Variants in HSPA8 observed in about 807,000 individuals in gnomAD.
HSPA8 encodes heat shock protein family A (Hsp70) member 8, also known as heat shock cognate 71 kDa protein.
A neutral mutation model predicts 52.8 loss-of-function variants in HSPA8; 2 were observed. The observed-to-expected ratio is 0.04, with a 90% CI of 0.02 to 0.12. The LOEUF (loss-of-function observed/expected upper bound fraction) is 0.12. Ranked by LOEUF, HSPA8 falls within the 10% of genes least tolerant of loss-of-function variation. HSPA8 has a pLI of 1.00. For missense variants in HSPA8, 349 were observed against 800.5 expected (o/e 0.44, Z 6.81); for synonymous variants, 436 against 274.0 (o/e 1.59, Z -5.84).
In HSPA8 at chr11:123,057,819, C is replaced by A; in HGVS notation, c.1856G>T (p.Gly619Val). 6.2e-7 allele frequency: 1 copy of A among 1,613,072 alleles called. No individual in the cohort carries two copies. Residue 619 changes from glycine (G) to valine (V), a missense_variant, in exon 9 of 9, where the codon GGA becomes GTA. By Grantham distance (109) the Gly-to-Val change is moderately radical (BLOSUM62 -3). Coordinates refer to ENST00000534624, the MANE Select transcript of HSPA8 (RefSeq NM_006597.6). ...KLYQSAGGMP[G>V]GMPGGFPGGG... ...ACCAGGAAATCCCCCAGGCATTCCT[C>A]CTGGCATGCCTCCTGCACTCTGGTA...
At chr11:123,058,226 G>GGAAAA in intron 8 of HSPA8, 26 bp downstream of exon 8, 7 of 1,012,454 alleles carry the variant, frequency 6.9e-6, no homozygotes, top group African/African-American at 1.9e-5. Context: ...AGTGGGGGAG[G>GGAAAA]AAAAAAAAAA....
chr11:123,059,831 A>C lies in HSPA8; in HGVS notation c.762T>G (p.Ser254Arg). Residue 254 changes from serine to arginine, a missense_variant, in exon 5 of 9, where the codon AGT (serine) becomes AGG (arginine). By Grantham distance (110) the Ser-to-Arg change is moderately radical. Coordinates refer to ENST00000534624, the MANE Select transcript of HSPA8 (RefSeq NM_006597.6). ...EFKRKHKKDISENKRAVRRLR... is the reference protein window; with the variant it reads ...EFKRKHKKDIRENKRAVRRLR... Reference sequence around the variant, plus strand: ...GGCGTCTTACAGCTCTCTTGTTCTCACTGATGTCCTTCTTATGCTTGCGCT... The same window carrying C: ...GGCGTCTTACAGCTCTCTTGTTCTCCCTGATGTCCTTCTTATGCTTGCGCT... 6.2e-7 allele frequency: 1 copy of C among 1,613,608 alleles called. No individual in the cohort carries two copies. Among genetic ancestry groups the C allele is most frequent in the Non-Finnish European group, 8.5e-7 (1 of 1,179,848 alleles).
intron 6 of HSPA8, 83 bp from the exon 7 acceptor site, chr11:123,058,913 T>G: frequency 6.8e-7 from 1 of 1,460,706 alleles, no homozygotes; most frequent in Non-Finnish European, 9.6e-7. Context: ...GAATGGTCGC[T>G]CAAACATCCA....
In HSPA8 at chr11:123,059,714, G is replaced by T. The variant is rs1366918784; in HGVS notation, c.879C>A (p.Phe293Leu). The change falls in exon 5 of 9, where the codon TTC becomes TTA. Residue 293 changes from phenylalanine (F) to leucine (L), a missense_variant. Coordinates refer to ENST00000534624, the MANE Select transcript of HSPA8 (RefSeq NM_006597.6). ...EIDSLYEGID[F>L]YTSITRARFE... ...ATCGGGCACGGGTAATGGAGGTATA[G>T]AAGTCGATTCCTTCATAGAGAGAAT... The T allele has an allele frequency of 3.1e-6, 5 of 1,613,822 alleles. No individual in the cohort carries two copies. The highest frequency in any genetic ancestry group is 2.7e-5 in the African/African-American group (2 of 74,906).
chr11:123,061,568 T>C lies in HSPA8; in HGVS notation c.-5-239A>G, dbSNP rs901432884. 1.1e-5 allele frequency: 6 copies of C among 555,350 alleles called. No individual in the cohort carries two copies. In the Admixed American group the frequency reaches 1.2e-4, roughly 11 times the overall value. The allele number at this position is 555,350 out of a possible 1,614,324, so 34.4% of individuals were successfully genotyped here. On this transcript the variant is annotated intron_variant, in intron 1 of 8. Coordinates refer to ENST00000534624, the MANE Select transcript of HSPA8 (RefSeq NM_006597.6). ...CATCTACCCAGACGGCGTGGGGCGT[T>C]GCTCAACACGTGGTCTTACCCCGAA...
In HSPA8 at chr11:123,057,649, A is replaced by T. The variant is rs529283663; in HGVS notation, c.*85T>A. ...ACTTACTATAGCAGCTTAACTTTTT[A>T]AAACTGCCACAGAATTTGCTACGAA... is the stretch of plus-strand genomic sequence containing the variant. On this transcript the variant is annotated 3_prime_UTR_variant, in exon 9 of 9. Coordinates refer to ENST00000534624, the MANE Select transcript of HSPA8 (RefSeq NM_006597.6). The T allele has an allele frequency of 3.0e-5, 34 of 1,139,644 alleles. No homozygotes were observed. The South Asian group carries it at 4.7e-4, about 16-fold the overall frequency. 70.6% of individuals were successfully genotyped at this position (1,139,644 alleles called of 1,614,324 possible).
chr11:123,059,024 T>C (rs767610060), intron 6 of HSPA8, 35 bp downstream of exon 6: 2 of 1,564,520 alleles, frequency 1.3e-6, no homozygotes, highest in African/African-American at 2.7e-5. Context: ...TTATCTGTTA[T>C]CAGTAAGCCA....
rs1331802004 is a variant in HSPA8, at chr11:123,057,697, A to G, written c.*37T>C. ...GAATTTAGGTCCTTCAAATGTTTTA[A>G]ATGTGTGGAACAATGCTACATCTAC... is the stretch of plus-strand genomic sequence containing the variant. On this transcript the variant is annotated 3_prime_UTR_variant, in exon 9 of 9. Coordinates refer to ENST00000534624, the MANE Select transcript of HSPA8 (RefSeq NM_006597.6). 3.3e-6 allele frequency: 5 copies of G among 1,525,802 alleles called. No individual in the cohort carries two copies. Among genetic ancestry groups the G allele is most frequent in the Non-Finnish European group, 4.4e-6 (5 of 1,128,254 alleles). 94.5% of individuals were successfully genotyped at this position (1,525,802 alleles called of 1,614,324 possible).
chr11:123,058,717 G>A lies in HSPA8; in HGVS notation c.1437C>T (p.Asp479=), dbSNP rs986477868. 1.2e-6 allele frequency: 2 copies of A among 1,613,892 alleles called. No individual in the cohort carries two copies. Among genetic ancestry groups the A allele is most frequent in the South Asian group, 1.1e-5 (1 of 91,076 alleles). ...CATTGAGTATACCATTGGCATCAAT[G>A]TCAAAAGTGACTTCAATCTGAGGAA... ...RGVPQIEVTF[D]IDANGILNVS... is the part of the protein sequence containing the mutation. The change falls in exon 7 of 9, where the codon GAC becomes GAT. Residue 479 remains aspartate, a synonymous_variant. Coordinates refer to ENST00000534624, the MANE Select transcript of HSPA8 (RefSeq NM_006597.6).
intron 6 of HSPA8, 44 bp downstream of exon 6, chr11:123,058,998 CAGTCAAGACTTCCCTTT>C (rs1352157765): frequency 2.0e-6 from 3 of 1,487,060 alleles, no homozygotes; most frequent in Middle Eastern, 1.7e-4. Flanking sequence ...CATAGCGAGT[CAGTCAAGACTTCCCTTT>C]ATCTGTTATC....
chr11:123,058,959 A>T, intron 6 of HSPA8, 100 bp downstream of exon 6: 1 of 1,404,194 alleles, frequency 7.1e-7, no homozygotes. Context: ...TTTCTGGTGG[A>T]AACTACGAAT....
At chr11:123,060,837 A>G (rs1200043707) in intron 2 of HSPA8, 39 bp from the exon 3 acceptor site, 1 of 1,557,932 alleles carries the variant, frequency 6.4e-7, no homozygotes. Flanking sequence ...TCAATTTCAT[A>G]GCTCTTCTGA....
intron 8 of HSPA8, 22 bp from the exon 9 acceptor site, chr11:123,057,941 T>C (rs1380552591): frequency 1.4e-5 from 21 of 1,551,632 alleles, no homozygotes; most frequent in Non-Finnish European, 1.8e-5. Flanking sequence ...AAAAAGGAAT[T>C]ACTGCAAGTT....
intron 2 of HSPA8, 66 bp downstream of exon 2, chr11:123,061,054 T>C: frequency 7.1e-7 from 1 of 1,402,372 alleles, no homozygotes; most frequent in Middle Eastern, 1.8e-4. Flanking sequence ...CCTCCTCACG[T>C]TTCATAAACT....
chr11:123,060,373 C>A (rs936132996), intron 3 of HSPA8, 105 bp from the exon 4 acceptor site: 4 of 1,145,600 alleles, frequency 3.5e-6, no homozygotes, highest in Non-Finnish European at 5.1e-6. Flanking sequence ...GAGCACCCCC[C>A]CCACCAAAAT....
chr11:123,062,096 A>T lies in HSPA8; in HGVS notation c.-38T>A, dbSNP rs563919080. 1 of 152,918 alleles carries T rather than the reference A, an allele frequency of 6.5e-6. No homozygotes were observed. Among genetic ancestry groups the T allele is most frequent in the Non-Finnish European group, 1.5e-5 (1 of 68,586 alleles). 9.5% of individuals were successfully genotyped at this position (152,918 alleles called of 1,614,324 possible). A position where few individuals can be genotyped will look rare whatever the true frequency, so the allele number is the denominator to read the frequency against. ...GTAGGCCTGGCTCCAATAACGAAGGAAGCCACAAAAAACCCAAGAGCTGCA... is the reference window on the plus strand; with the variant it reads ...GTAGGCCTGGCTCCAATAACGAAGGTAGCCACAAAAAACCCAAGAGCTGCA... On this transcript the variant is annotated 5_prime_UTR_variant, in exon 1 of 9. Coordinates refer to ENST00000534624, the MANE Select transcript of HSPA8 (RefSeq NM_006597.6).
intron 3 of HSPA8, 39 bp from the exon 4 acceptor site, chr11:123,060,307 T>C (rs756219815): frequency 1.9e-6 from 3 of 1,584,868 alleles, no homozygotes; most frequent in African/African-American, 2.7e-5. Context: ...GTAACTATTA[T>C]ACTTACATAT....
Position 123,061,334 on chromosome 11 carries a change from A to C in HSPA8, c.-5-5T>G. 1 of 1,606,696 alleles carries C rather than the reference A, an allele frequency of 6.2e-7. No individual in the cohort carries two copies. Among genetic ancestry groups the C allele is most frequent in the Non-Finnish European group, 8.5e-7 (1 of 1,173,962 alleles). ...CAGGTCCCTTGGACATGGTTGCTGAAAAAAAGAAAAATCTGGTTTAAAAAT... is the reference window on the plus strand; with the variant it reads ...CAGGTCCCTTGGACATGGTTGCTGACAAAAAGAAAAATCTGGTTTAAAAAT... On this transcript the variant is annotated splice_region_variant and splice_polypyrimidine_tract_variant and intron_variant, in intron 1 of 8. Transcript: ENST00000534624.
intron 8 of HSPA8, 44 bp from the exon 9 acceptor site, chr11:123,057,963 A>AAT (rs758669020): frequency 6.9e-7 from 1 of 1,452,644 alleles, no homozygotes; most frequent in South Asian, 1.3e-5. Flanking sequence ...TTTTAATGTT[A>AAT]ATAACCCTTC....
Sources: gnomAD v4.1 joint callset for allele counts on GRCh38, gnomAD v4.1.1 for gene constraint, MANE v1.5 for transcripts, NCBI Gene and HGNC (gene_info 2026-07-23, HGNC 2026-07-21) for gene names.